The following KIF21A variants were observed in gnomAD, a reference collection of about 807,000 sequenced individuals.
KIF21A encodes the protein kinesin family member 21A, also known as kinesin-like protein KIF21A.
KIF21A carries 114 observed loss-of-function variants against 202.9 expected under a neutral mutation model. That is an observed-to-expected ratio of 0.56 (90% confidence interval 0.48 to 0.66). KIF21A has a LOEUF of 0.66. KIF21A is among the 30% of genes least tolerant of loss of function. KIF21A has a pLI of 0.00. For synonymous variants in KIF21A, 667 were observed against 670.8 expected (o/e 0.99, Z 0.09); for missense variants, 1,677 against 1,994.9 (o/e 0.84, Z 3.04).
intron 1 of KIF21A, among the ~76,000 whole-genome samples, chr12:39,439,473 G>A (rs1367428160): frequency 6.6e-6 from 1 of 151,198 alleles, no homozygotes; most frequent in Non-Finnish European, 1.5e-5. Context: ...TAGTCAATAC[G>A]TACACTAAAT....
At chr12:39,418,957 T>C (rs1014465718) in intron 1 of KIF21A, among the ~76,000 whole-genome samples, 4 of 152,244 alleles carry the variant, frequency 2.6e-5, no homozygotes, top group Admixed American at 2.6e-4. Flanking sequence ...TTACAGTTTC[T>C]CAAACAGTGG....
At chr12:39,311,164 T>G in intron 32 of KIF21A, among the ~76,000 whole-genome samples, 1 of 152,004 alleles carries the variant, frequency 6.6e-6, no homozygotes, top group East Asian at 1.9e-4. Context: ...AATTCAGGAC[T>G]CTACATGCAG....
At chr12:39,335,876 A>G (rs981471155) in intron 17 of KIF21A, among the ~76,000 whole-genome samples, 5 of 152,206 alleles carry the variant, frequency 3.3e-5, no homozygotes, top group Admixed American at 2.6e-4. Flanking sequence ...AAAATAGGGG[A>G]GTCATCTGGA....
At chr12:39,414,888 G>C (rs1196466323) in intron 1 of KIF21A, among the ~76,000 whole-genome samples, 8 of 149,984 alleles carry the variant, frequency 5.3e-5, no homozygotes, top group Non-Finnish European at 8.9e-5. Context: ...ACAAGGTTCT[G>C]TGCTAAACAT....
chr12:39,352,769 GA>G (rs1193962619), intron 10 of KIF21A, among the ~76,000 whole-genome samples: 2 of 152,074 alleles, frequency 1.3e-5, no homozygotes, highest in African/African-American at 4.8e-5. Flanking sequence ...TTTGATAATT[GA>G]AAAAATTCTT....
At chr12:39,405,999 G>C (rs546897144) in intron 1 of KIF21A, among the ~76,000 whole-genome samples, 89 of 152,160 alleles carry the variant, frequency 5.8e-4, no homozygotes, top group African/African-American at 2.1e-3. Context: ...TGTCTTTGCA[G>C]ATTTCCTTTC....
intron 24 of KIF21A, among the ~76,000 whole-genome samples, chr12:39,327,901 G>A (rs1946111308): frequency 6.6e-6 from 1 of 152,118 alleles, no homozygotes; most frequent in Non-Finnish European, 1.5e-5. Context: ...ATACCCTAAA[G>A]TTAATCTATA....
chr12:39,367,945 C>T lies in KIF21A; in HGVS notation c.538G>A (p.Asp180Asn), dbSNP rs758912579. The T allele has an allele frequency of 1.2e-5, 20 of 1,608,342 alleles. No homozygotes were observed. In the South Asian group the frequency reaches 2.2e-4, roughly 18 times the overall value. Residue 180 changes from aspartate to asparagine, a missense_variant, in exon 4 of 38, where the codon GAT becomes AAT. Asp to Asn is a conservative substitution (Grantham distance 23, BLOSUM62 1). Transcript: ENST00000361418. ...SKKSNIRIHEDSTGGIYTVGV... is the reference protein window; with the variant it reads ...SKKSNIRIHENSTGGIYTVGV... ...ACAGTATAAATTCCTCCAGTTGAAT[C>T]TTCATGAATTCTTATATTTGATTTT...
chr12:39,342,204 C>A, intron 12 of KIF21A, 80 bp from the exon 13 acceptor site: 1 of 977,218 alleles, frequency 1.0e-6, no homozygotes, highest in Non-Finnish European at 1.6e-6. Flanking sequence ...TTTTTAGAAG[C>A]CATCAATGAT....
chr12:39,441,452 C>A (rs1354263160), intron 1 of KIF21A, among the ~76,000 whole-genome samples: 1 of 151,844 alleles, frequency 6.6e-6, no homozygotes, highest in Non-Finnish European at 1.5e-5. Flanking sequence ...GGTTTTCTGT[C>A]TTTTTCCTTC....
chr12:39,324,306 C>T (rs574720119), intron 26 of KIF21A, among the ~76,000 whole-genome samples: 12 of 152,238 alleles, frequency 7.9e-5, no homozygotes, highest in African/African-American at 2.9e-4. Flanking sequence ...GTGGTTCTTT[C>T]AGGAGATGAC....
chr12:39,441,944 T>C (rs1939700971), intron 1 of KIF21A, among the ~76,000 whole-genome samples: 1 of 152,172 alleles, frequency 6.6e-6, no homozygotes, highest in Admixed American at 6.5e-5. Context: ...CTCAGAGCTG[T>C]GAAAGCCACG....
intron 1 of KIF21A, among the ~76,000 whole-genome samples, chr12:39,408,246 G>T (rs188215180): frequency 2.6e-5 from 4 of 152,066 alleles, no homozygotes; most frequent in Non-Finnish European, 5.9e-5. Flanking sequence ...ACCTCAGATC[G>T]TCAGGCATTA....
chr12:39,348,541 G>T (rs925105445), intron 11 of KIF21A, among the ~76,000 whole-genome samples: 2 of 151,978 alleles, frequency 1.3e-5, no homozygotes, highest in Non-Finnish European at 2.9e-5. Flanking sequence ...GCAGCTTCTG[G>T]AAAATGATCC....
At chr12:39,399,729 TC>T (rs1239272885) in intron 1 of KIF21A, among the ~76,000 whole-genome samples, 1 of 152,210 alleles carries the variant, frequency 6.6e-6, no homozygotes, top group Non-Finnish European at 1.5e-5. Flanking sequence ...CCTGTGTCTC[TC>T]TGATAGGCCC....
intron 1 of KIF21A, among the ~76,000 whole-genome samples, chr12:39,389,109 G>A (rs1951160018): frequency 6.6e-6 from 1 of 151,442 alleles, no homozygotes; most frequent in African/African-American, 2.4e-5. Flanking sequence ...AAATGTAAAT[G>A]TCTGTCATAC....
chr12:39,365,819 G>T (rs1365437099), intron 6 of KIF21A, among the ~76,000 whole-genome samples: 1 of 152,140 alleles, frequency 6.6e-6, no homozygotes, highest in Non-Finnish European at 1.5e-5. Flanking sequence ...AGACTAGCCT[G>T]GGCAATGTGG....
intron 10 of KIF21A, 174 bp downstream of exon 10, chr12:39,356,658 A>G: frequency 2.1e-6 from 1 of 486,778 alleles, no homozygotes; most frequent in Non-Finnish European, 3.6e-6. Context: ...AACAGCTTGG[A>G]ATATGACATC....
In KIF21A at chr12:39,341,997, G is replaced by T. The variant is rs572040143; in HGVS notation, c.1803+37C>A. 7 of 1,428,626 alleles carry T rather than the reference G, an allele frequency of 4.9e-6. No individual in the cohort carries two copies. The South Asian group carries it at 6.9e-5, about 14-fold the overall frequency. The allele number at this position is 1,428,626 out of a possible 1,614,324, so 88.5% of individuals were successfully genotyped here. A position where few individuals can be genotyped will look rare whatever the true frequency, so the allele number is the denominator to read the frequency against. Reference sequence around the variant, plus strand: ...CATCAACCAAGAACAACCAAACCTGGTGACTAAAACTGACAAGTTCATTCT... The same window carrying T: ...CATCAACCAAGAACAACCAAACCTGTTGACTAAAACTGACAAGTTCATTCT... On this transcript the variant is annotated intron_variant, in intron 13 of 37. Coordinates refer to ENST00000361418, the MANE Select transcript of KIF21A (RefSeq NM_001173464.2).
Sources: gnomAD v4.1 joint callset for allele counts (sites outside exome capture counted in the v4.1 genomes callset) on GRCh38, gnomAD v4.1.1 for gene constraint, MANE v1.5 for transcripts, NCBI Gene and HGNC (gene_info 2026-07-23, HGNC 2026-07-21) for gene names.